Variants in FBP2 observed in about 807,000 individuals in gnomAD.
The protein encoded by FBP2 is fructose-1,6-bisphosphatase isozyme 2.
In FBP2, 27 loss-of-function variants were observed where a neutral mutation model predicts 31.6. The observed-to-expected ratio is 0.85, with a 90% CI of 0.63 to 1.18. The LOEUF (loss-of-function observed/expected upper bound fraction) is 1.18. FBP2 is among the 50% of genes most tolerant of loss of function. FBP2 has a pLI of 0.00. For missense variants in FBP2, 421 were observed against 436.1 expected (o/e 0.97, Z 0.31); for synonymous variants, 168 against 179.8 (o/e 0.93, Z 0.53).
intron 3 of FBP2, among the ~76,000 whole-genome samples, chr9:94,578,108 G>T (rs958474123): frequency 6.6e-6 from 1 of 152,170 alleles, no homozygotes; most frequent in Non-Finnish European, 1.5e-5. Context: ...AATAAATTTT[G>T]TATTTGTCTC....
At chr9:94,589,733 C>T (rs994792068) in intron 1 of FBP2, among the ~76,000 whole-genome samples, 1 of 151,676 alleles carries the variant, frequency 6.6e-6, no homozygotes, top group African/African-American at 2.4e-5. Flanking sequence ...CCACCTCACC[C>T]CCCAACACCA....
chr9:94,563,573 C>T (rs1177522606), intron 5 of FBP2, 112 bp from the exon 6 acceptor site: 4 of 1,143,556 alleles, frequency 3.5e-6, no homozygotes, highest in Admixed American at 4.4e-5. Flanking sequence ...AATCCCTATC[C>T]TCCACCCACT....
chr9:94,571,279 A>G (rs1459616800), intron 4 of FBP2, among the ~76,000 whole-genome samples, 183 bp downstream of exon 4: 4 of 152,176 alleles, frequency 2.6e-5, no homozygotes, highest in African/African-American at 9.7e-5. Flanking sequence ...GAGTGCCCTC[A>G]CTGGGACAGA....
chr9:94,592,510 G>T (rs1367508951), intron 1 of FBP2, among the ~76,000 whole-genome samples: 1 of 152,132 alleles, frequency 6.6e-6, no homozygotes, highest in Admixed American at 6.6e-5. Flanking sequence ...TACAAGGGAA[G>T]CCCAAAGAAA....
intron 3 of FBP2, among the ~76,000 whole-genome samples, chr9:94,572,032 G>T (rs1165166945): frequency 6.6e-6 from 1 of 152,132 alleles, no homozygotes; most frequent in Non-Finnish European, 1.5e-5. Flanking sequence ...AACTCTGAGA[G>T]CAAAACCACC....
At position 94,559,025 on chromosome 9, in the gene FBP2, A is replaced by G. The variant is rs1827052586; in HGVS notation, c.933T>C (p.Ile311=). 6.2e-7 allele frequency: 1 copy of G among 1,613,952 alleles called. No individual in the cohort carries two copies. Among genetic ancestry groups the G allele is most frequent in the South Asian group, 1.1e-5 (1 of 91,068 alleles). The change falls in exon 7 of 7, where the codon ATT becomes ATC. Residue 311 remains isoleucine (I), a synonymous_variant. Coordinates refer to ENST00000375337, the MANE Select transcript of FBP2 (RefSeq NM_003837.4). Reference sequence around the variant, plus strand: ...CCAGAATGAGGGGGACTCGCTGGTGAATTGCCTCGGGCTTCACGTCCAGTA... The same window carrying G: ...CCAGAATGAGGGGGACTCGCTGGTGGATTGCCTCGGGCTTCACGTCCAGTA... ...QPVLDVKPEA[I]HQRVPLILGS... is the part of the protein sequence containing the mutation.
At position 94,587,352 on chromosome 9, in the gene FBP2, G is replaced by C; in HGVS notation, c.288C>G (p.Val96=). 6.2e-7 allele frequency: 1 copy of C among 1,613,994 alleles called. No homozygotes were observed. Among genetic ancestry groups the C allele is most frequent in the Non-Finnish European group, 8.5e-7 (1 of 1,179,984 alleles). Residue 96 remains valine, a synonymous_variant, in exon 2 of 7, where the codon GTC becomes GTG. Coordinates refer to ENST00000375337, the MANE Select transcript of FBP2 (RefSeq NM_003837.4). ...TGATGGCGTCCTTATTCTCTTCTGA[G>C]ACCAGGACGCAGGTACTATAGGAGG... ...VQSSYSTCVL[V]SEENKDAIIT... is the part of the protein sequence containing the mutation.
Position 94,558,817 on chromosome 9 carries a change from G to T in FBP2, c.*121C>A. 1 of 901,990 alleles carries T rather than the reference G, an allele frequency of 1.1e-6. No individual in the cohort carries two copies. The highest frequency in any genetic ancestry group is 1.8e-6 in the Non-Finnish European group (1 of 567,694). The allele number at this position is 901,990 out of a possible 1,614,324, so 55.9% of individuals were successfully genotyped here. A position where few individuals can be genotyped will look rare whatever the true frequency, so the allele number is the denominator to read the frequency against. The stretch of plus-strand genomic sequence containing the variant: ...GTAAGCAGTTTGTTGTTGCTCTTCT[G>T]TATGTGATTAAGTGGATTTACCTTT... On this transcript the variant is annotated 3_prime_UTR_variant, in exon 7 of 7. Coordinates refer to ENST00000375337, the MANE Select transcript of FBP2 (RefSeq NM_003837.4).
chr9:94,584,257 A>G (rs1191623601), intron 3 of FBP2, among the ~76,000 whole-genome samples: 1 of 152,174 alleles, frequency 6.6e-6, no homozygotes, highest in Non-Finnish European at 1.5e-5. Context: ...GGGGGAGAGG[A>G]TGTCAGAGAT....
rs773401024 is a variant in FBP2 at position 94,559,073 on chromosome 9, C to G, written c.885G>C (p.Leu295Phe). ...VAYIIEQAGG[L>F]ATTGTQPVLD... ...GTACAGGCTGGGTCCCCGTGGTCGC[C>G]AAGCCTCCTGCCTGCTCAATGATGT... is the stretch of plus-strand genomic sequence containing the variant. Residue 295 changes from leucine to phenylalanine, a missense_variant, in exon 7 of 7, where the codon TTG becomes TTC. Transcript: ENST00000375337. The G allele has an allele frequency of 1.9e-6, 3 of 1,614,114 alleles. No individual in the cohort carries two copies. Among genetic ancestry groups the G allele is most frequent in the Non-Finnish European group, 2.5e-6 (3 of 1,180,030 alleles).
intron 3 of FBP2, 71 bp from the exon 4 acceptor site, chr9:94,571,673 G>T: frequency 7.3e-7 from 1 of 1,368,904 alleles, no homozygotes; most frequent in Non-Finnish European, 9.9e-7. Flanking sequence ...AGGGGCCTGG[G>T]CTTCAGATCT....
chr9:94,571,493 C>T lies in FBP2; in HGVS notation c.536G>A (p.Gly179Glu), dbSNP rs762728707. Residue 179 changes from glycine (G) to glutamate (E), a missense_variant, in exon 4 of 7, where the codon GGG becomes GAG. By Grantham distance (98) the Gly-to-Glu change is moderately conservative (BLOSUM62 -2). Coordinates refer to ENST00000375337, the MANE Select transcript of FBP2 (RefSeq NM_003837.4). ...AAGCATGAAGAGGTCCACGCCTTGC[C>T]CTGTGGAGAGAGCCACCAGGGTTGC... The part of the protein sequence containing the change: ...GSATLVALST[G>E]QGVDLFMLDP... 1 of 1,613,758 alleles carries T rather than the reference C, an allele frequency of 6.2e-7. No homozygotes were observed. Among genetic ancestry groups the T allele is most frequent in the South Asian group, 1.1e-5 (1 of 90,998 alleles).
intron 1 of FBP2, among the ~76,000 whole-genome samples, 199 bp from the exon 2 acceptor site, chr9:94,587,668 G>A (rs1827443916): frequency 1.6e-5 from 1 of 62,384 alleles, no homozygotes. Flanking sequence ...TGGAGTCGTT[G>A]TCATATTTTC....
At chr9:94,559,519 T>C (rs1252912071) in intron 6 of FBP2, among the ~76,000 whole-genome samples, 1 of 149,604 alleles carries the variant, frequency 6.7e-6, no homozygotes, top group Non-Finnish European at 1.5e-5. Flanking sequence ...TCAAGGCTGG[T>C]AAAGAGTCAA....
chr9:94,584,497 C>T, intron 3 of FBP2, 80 bp downstream of exon 3: 7 of 937,340 alleles, frequency 7.5e-6, no homozygotes, highest in Non-Finnish European at 1.0e-5. Flanking sequence ...GGTAGGACTC[C>T]AAACACACGG....
intron 1 of FBP2, among the ~76,000 whole-genome samples, chr9:94,593,305 C>T (rs1395287229): frequency 1.3e-5 from 2 of 152,176 alleles, no homozygotes; most frequent in South Asian, 2.1e-4. Flanking sequence ...AGCCACTGCA[C>T]TTGGTATCAT....
Position 94,593,723 on chromosome 9 carries a change from T to C in FBP2, c.4A>G (p.Thr2Ala). The change falls in exon 1 of 7, where the codon ACG (threonine) becomes GCG (alanine). Residue 2 changes from threonine (T) to alanine (A), a missense_variant. Physicochemically the swap from Thr to Ala is moderately conservative, Grantham distance 58. Transcript: ENST00000375337. ...TCGGTTTCGAAGGGGCTTCTGTCCG[T>C]CATTTTGGCTGGAATGCTTCAAATC... The part of the protein sequence containing the change: M[T>A]DRSPFETDML... The C allele has an allele frequency of 6.2e-7, 1 of 1,614,042 alleles. No individual in the cohort carries two copies. The highest frequency in any genetic ancestry group is 8.5e-7 in the Non-Finnish European group (1 of 1,179,956).
rs201943366 is a variant in FBP2 at position 94,587,321 on chromosome 9, C to T, written c.319G>A (p.Ala107Thr). ...SEENKDAIIT[A>T]KEKRGKYVVC... The stretch of plus-strand genomic sequence containing the variant: ...CCATGACGCACCCGCTTCTCCTTGG[C>T]GGTGATGATGGCGTCCTTATTCTCT... The change falls in exon 2 of 7, where the codon GCC becomes ACC. Residue 107 changes from alanine (A) to threonine (T), a missense_variant. Transcript: ENST00000375337. 15 of 1,611,602 alleles carry T rather than the reference C, an allele frequency of 9.3e-6. No homozygotes were observed. The East Asian group carries it at 1.8e-4, about 19-fold the overall frequency.
chr9:94,592,565 C>T (rs1827513814), intron 1 of FBP2, among the ~76,000 whole-genome samples: 1 of 152,172 alleles, frequency 6.6e-6, no homozygotes, highest in Non-Finnish European at 1.5e-5. Flanking sequence ...GATGGAATCT[C>T]GTCCTGTCAC....
Sources: gnomAD v4.1 joint callset for allele counts (sites outside exome capture counted in the v4.1 genomes callset) on GRCh38, gnomAD v4.1.1 for gene constraint, MANE v1.5 for transcripts, NCBI Gene and HGNC (gene_info 2026-07-23, HGNC 2026-07-21) for gene names.